TNIK: variants seen among roughly 807,000 people sequenced by gnomAD.
The protein encoded by TNIK is TRAF2 and NCK interacting kinase.
A neutral mutation model predicts 191.3 loss-of-function variants in TNIK; 49 were observed. That is an observed-to-expected ratio of 0.26 (90% CI 0.20 to 0.32). The LOEUF is 0.32. Ranked by LOEUF, TNIK falls within the 10% of genes least tolerant of loss-of-function variation. The pLI is 1.00. For synonymous variants in TNIK, 594 were observed against 600.9 expected (o/e 0.99, Z 0.17); for missense variants, 1,155 against 1,702.3 (o/e 0.68, Z 5.66).
intron 1 of TNIK, among the ~76,000 whole-genome samples, chr3:171,425,705 G>A (rs1724462068): frequency 1.3e-5 from 2 of 151,866 alleles, no homozygotes; most frequent in African/African-American, 2.4e-5. Context: ...GCAGACACCT[G>A]TAATTCCAGC....
At chr3:171,410,607 G>A (rs192824978) in intron 1 of TNIK, among the ~76,000 whole-genome samples, 9 of 151,992 alleles carry the variant, frequency 5.9e-5, no homozygotes, top group South Asian at 2.1e-4. Flanking sequence ...GTGAAACCCC[G>A]TCTCTACTAA....
intron 2 of TNIK, among the ~76,000 whole-genome samples, chr3:171,335,027 CAAAAAAA>C: frequency 8.7e-6 from 1 of 114,620 alleles, no homozygotes; most frequent in South Asian, 2.8e-4. Context: ...CCCCAACTGC[CAAAAAAA>C]AAAAAAAAAA....
At chr3:171,371,122 G>A (rs1287757812) in intron 1 of TNIK, among the ~76,000 whole-genome samples, 1 of 152,078 alleles carries the variant, frequency 6.6e-6, no homozygotes, top group African/African-American at 2.4e-5. Context: ...AAGAATAAGT[G>A]TGGGCTTTGC....
chr3:171,140,361 C>G, intron 13 of TNIK, 38 bp downstream of exon 13: 2 of 1,500,796 alleles, frequency 1.3e-6, no homozygotes, highest in South Asian at 1.3e-5. Context: ...CTGGGGTCCC[C>G]GGGGGGCCAT....
chr3:171,439,343 C>CAA (rs557225889), intron 1 of TNIK, among the ~76,000 whole-genome samples: 7 of 97,564 alleles, frequency 7.2e-5, no homozygotes, highest in African/African-American at 2.1e-4. Context: ...GACTCTGTCT[C>CAA]AAAAAAAAAA....
At chr3:171,320,385 A>G (rs1755045743) in intron 2 of TNIK, among the ~76,000 whole-genome samples, 1 of 152,236 alleles carries the variant, frequency 6.6e-6, no homozygotes, top group Non-Finnish European at 1.5e-5. Flanking sequence ...TCCAGAAGAT[A>G]AAAAGAAAAT....
chr3:171,427,709 A>G (rs1357786453), intron 1 of TNIK, among the ~76,000 whole-genome samples: 1 of 152,214 alleles, frequency 6.6e-6, no homozygotes, highest in African/African-American at 2.4e-5. Context: ...CACTGGTACT[A>G]TAACAACGAA....
chr3:171,292,790 A>T lies in TNIK; in HGVS notation c.124-64569T>A, dbSNP rs200008310. Among the ~76,000 whole-genome samples the T allele has an allele frequency of 2.6e-5, 4 of 151,344 alleles. No homozygotes were observed. In the East Asian group the frequency reaches 7.7e-4, roughly 29 times the overall value. On this transcript the variant is annotated intron_variant, in intron 2 of 32. Coordinates refer to ENST00000436636, the MANE Select transcript of TNIK (RefSeq NM_015028.4). ...GACTCCATCTCAAAAAAAAAAAAAA[A>T]AAAAAGAATCAGCCAGAGACTTGGG...
chr3:171,429,263 A>G (rs1277225855), intron 1 of TNIK, among the ~76,000 whole-genome samples: 1 of 152,188 alleles, frequency 6.6e-6, no homozygotes, highest in East Asian at 1.9e-4. Flanking sequence ...CACCTCTTCA[A>G]GCCTAGGATA....
intron 1 of TNIK, among the ~76,000 whole-genome samples, chr3:171,411,117 G>A (rs1722353293): frequency 6.6e-6 from 1 of 151,544 alleles, no homozygotes; most frequent in Non-Finnish European, 1.5e-5. Flanking sequence ...CACCCAGGCT[G>A]GAGTGCAGTG....
intron 2 of TNIK, among the ~76,000 whole-genome samples, chr3:171,266,928 T>C (rs961505275): frequency 1.3e-5 from 2 of 152,138 alleles, no homozygotes; most frequent in African/African-American, 4.8e-5. Flanking sequence ...CAGTGTAAAA[T>C]CCAAAAACAT....
chr3:171,376,621 A>T (rs1717255525), intron 1 of TNIK, among the ~76,000 whole-genome samples: 1 of 152,168 alleles, frequency 6.6e-6, no homozygotes, highest in Non-Finnish European at 1.5e-5. Context: ...AAGAGTATTG[A>T]TCCAGGAGAT....
At chr3:171,195,848 C>A (rs924090579) in intron 4 of TNIK, among the ~76,000 whole-genome samples, 9 of 152,016 alleles carry the variant, frequency 5.9e-5, no homozygotes, top group African/African-American at 1.9e-4. Context: ...TACATTCCAA[C>A]CAGATAAAAG....
chr3:171,288,593 G>A (rs541080277), intron 2 of TNIK, among the ~76,000 whole-genome samples: 1 of 151,964 alleles, frequency 6.6e-6, no homozygotes, highest in Non-Finnish European at 1.5e-5. Flanking sequence ...CAGATCACAA[G>A]GTCAGGAGAT....
In TNIK at chr3:171,075,656, T is replaced by A. The variant is rs562261677; in HGVS notation, c.3448+3862A>T. Among the ~76,000 whole-genome samples the A allele has an allele frequency of 5.9e-5, 9 of 152,202 alleles. No individual in the cohort carries two copies. In the South Asian group the frequency reaches 1.9e-3, roughly 32 times the overall value. On this transcript the variant is annotated intron_variant, in intron 28 of 32. Coordinates refer to ENST00000436636, the MANE Select transcript of TNIK (RefSeq NM_015028.4). ...GATTTCCCTGGGCCTGGCTCTGTGCTAAGTGCCGGTGAGATGTAGATGTGG... is the reference window on the plus strand; with the variant it reads ...GATTTCCCTGGGCCTGGCTCTGTGCAAAGTGCCGGTGAGATGTAGATGTGG...
chr3:171,359,909 C>G (rs1175402941), intron 2 of TNIK, among the ~76,000 whole-genome samples: 1 of 152,054 alleles, frequency 6.6e-6, no homozygotes, highest in African/African-American at 2.4e-5. Flanking sequence ...AGAATAGTAA[C>G]TATTGATGGT....
At chr3:171,119,391 C>T (rs1243935298) in intron 18 of TNIK, among the ~76,000 whole-genome samples, 2 of 152,176 alleles carry the variant, frequency 1.3e-5, no homozygotes, top group Non-Finnish European at 2.9e-5. Flanking sequence ...GGCGATTCCT[C>T]AGGGATCTAG....
intron 2 of TNIK, among the ~76,000 whole-genome samples, chr3:171,349,696 A>G (rs1484869281): frequency 1.3e-5 from 2 of 152,228 alleles, no homozygotes; most frequent in African/African-American, 4.8e-5. Flanking sequence ...CAGTATTTCC[A>G]ACATTCCTGT....
intron 9 of TNIK, among the ~76,000 whole-genome samples, chr3:171,170,897 A>G (rs1302180230): frequency 6.6e-6 from 1 of 152,072 alleles, no homozygotes; most frequent in East Asian, 1.9e-4. Flanking sequence ...TAAACAATAG[A>G]AAAAAGTAGC....
Sources: gnomAD v4.1 joint callset for allele counts (sites outside exome capture counted in the v4.1 genomes callset) on GRCh38, gnomAD v4.1.1 for gene constraint, MANE v1.5 for transcripts, NCBI Gene and HGNC (gene_info 2026-07-23, HGNC 2026-07-21) for gene names.